HSD17B2: variants seen among roughly 807,000 people sequenced by gnomAD.
HSD17B2 encodes the protein 17-beta-hydroxysteroid dehydrogenase type 2.
Under a neutral mutation model 26.9 loss-of-function variants are expected in HSD17B2, and 32 were observed. The observed-to-expected ratio is 1.19, with a 90% CI of 0.90 to 1.60. The LOEUF (loss-of-function observed/expected upper bound fraction) is 1.60. Among genes scored for constraint, HSD17B2 ranks in the 40% most tolerant of loss-of-function variants. The pLI is 0.00. For missense variants in HSD17B2, 613 were observed against 468.6 expected (o/e 1.31, Z -2.85); for synonymous variants, 246 against 186.7 (o/e 1.32, Z -2.59).
chr16:82,038,748 G>T (rs1913687174), intron 1 of HSD17B2, among the ~76,000 whole-genome samples: 1 of 152,120 alleles, frequency 6.6e-6, no homozygotes, highest in African/African-American at 2.4e-5. Flanking sequence ...TTATTAGGAG[G>T]GTTTCCAGAG....
chr16:82,043,594 G>A (rs2143918312), intron 1 of HSD17B2, among the ~76,000 whole-genome samples: 1 of 128,514 alleles, frequency 7.8e-6, no homozygotes, highest in Admixed American at 8.2e-5. Flanking sequence ...TGAGGCAGGA[G>A]AATGGCGTGA....
intron 3 of HSD17B2, among the ~76,000 whole-genome samples, chr16:82,074,209 C>A (rs1914761339): frequency 6.6e-6 from 1 of 152,150 alleles, no homozygotes; most frequent in Admixed American, 6.5e-5. Context: ...AGTTTCAGAT[C>A]TTTGAGTCAT....
At chr16:82,074,026 A>C (rs1178696208) in intron 3 of HSD17B2, among the ~76,000 whole-genome samples, 1 of 152,214 alleles carries the variant, frequency 6.6e-6, no homozygotes, top group Non-Finnish European at 1.5e-5. Context: ...GGAACAGAAC[A>C]GAGAACCCAG....
chr16:82,045,610 C>T (rs1261165314), intron 1 of HSD17B2, among the ~76,000 whole-genome samples: 3 of 152,256 alleles, frequency 2.0e-5, no homozygotes, highest in Admixed American at 1.3e-4. Flanking sequence ...CTGGGCCATT[C>T]ATTAATGTGC....
chr16:82,036,977 G>A (rs1913642741), intron 1 of HSD17B2, among the ~76,000 whole-genome samples: 1 of 152,190 alleles, frequency 6.6e-6, no homozygotes, highest in Admixed American at 6.5e-5. Flanking sequence ...GAGAAAATGG[G>A]AATCCCTTCT....
intron 1 of HSD17B2, among the ~76,000 whole-genome samples, chr16:82,067,622 T>G (rs948944986): frequency 6.6e-6 from 1 of 152,172 alleles, no homozygotes; most frequent in African/African-American, 2.4e-5. Context: ...AGACCATGGA[T>G]AGGGAAAAAG....
intron 4 of HSD17B2, chr16:82,094,561 C>A (rs920890794): frequency 6.6e-6 from 1 of 152,068 alleles, no homozygotes; most frequent in Non-Finnish European, 1.5e-5. Flanking sequence ...TCAGGCTGCC[C>A]CCCAGTTTAA....
rs1290587122 is a variant in HSD17B2, at chr16:82,091,037, C to G, written c.800C>G (p.Thr267Arg). 6.2e-7 allele frequency: 1 copy of G among 1,613,880 alleles called. No homozygotes were observed. Residue 267 changes from threonine (T) to arginine (R), a missense_variant and splice_region_variant, in exon 4 of 5, where the codon ACA becomes AGA. By Grantham distance (71) the Thr-to-Arg change is moderately conservative. Coordinates refer to ENST00000199936, the MANE Select transcript of HSD17B2 (RefSeq NM_002153.3). ...VASIQPGGFL[T>R]NIAGTSDKWE... ...TCCATCCAACCTGGAGGCTTCCTAACAAGTAGGTTTCTGAGCCCAAGAACC... is the reference window on the plus strand; with the variant it reads ...TCCATCCAACCTGGAGGCTTCCTAAGAAGTAGGTTTCTGAGCCCAAGAACC...
At chr16:82,068,082 G>C (rs1199033851) in intron 1 of HSD17B2, 88 bp from the exon 2 acceptor site, 3 of 1,168,210 alleles carry the variant, frequency 2.6e-6, no homozygotes, top group Non-Finnish European at 3.8e-6. Context: ...ATGGAGAATC[G>C]TAAACAACGT....
intron 1 of HSD17B2, among the ~76,000 whole-genome samples, chr16:82,064,007 A>T (rs1914513265): frequency 2.0e-5 from 3 of 152,158 alleles, no homozygotes; most frequent in Admixed American, 2.0e-4. Context: ...TGGGGAAGGG[A>T]GTTCTTTGCA....
At chr16:82,035,783 T>C (rs1243332940) in intron 1 of HSD17B2, 94 bp downstream of exon 1, 1 of 1,322,870 alleles carries the variant, frequency 7.6e-7, no homozygotes, top group Non-Finnish European at 1.1e-6. Flanking sequence ...AAAAATAAAA[T>C]ACTTGGCATG....
intron 1 of HSD17B2, among the ~76,000 whole-genome samples, chr16:82,043,448 G>A (rs1422553338): frequency 8.0e-6 from 1 of 124,338 alleles, no homozygotes; most frequent in Non-Finnish European, 1.5e-5. Context: ...ACTTTGGGAG[G>A]CCGAGGCGGG....
At chr16:82,090,389 C>G (rs1300752939) in intron 3 of HSD17B2, among the ~76,000 whole-genome samples, 1 of 135,650 alleles carries the variant, frequency 7.4e-6, no homozygotes, top group African/African-American at 2.7e-5. Flanking sequence ...GTGATCCCAG[C>G]TCACTACAAC....
chr16:82,093,089 A>ATAT (rs372122042), intron 4 of HSD17B2: 1 of 152,334 alleles, frequency 6.6e-6, no homozygotes, highest in African/African-American at 2.4e-5. Context: ...ATCGAGAAAT[A>ATAT]TATAAACAGA....
At chr16:82,036,718 A>G (rs1173951568) in intron 1 of HSD17B2, among the ~76,000 whole-genome samples, 2 of 152,204 alleles carry the variant, frequency 1.3e-5, no homozygotes, top group Non-Finnish European at 2.9e-5. Flanking sequence ...GCCACAGAAA[A>G]GAAGCTTCTT....
intron 3 of HSD17B2, among the ~76,000 whole-genome samples, chr16:82,088,622 A>G (rs1173523692): frequency 6.6e-6 from 1 of 152,182 alleles, no homozygotes; most frequent in Non-Finnish European, 1.5e-5. Context: ...CACACAGCCC[A>G]TGCTGTGATT....
rs1432388154 is a variant in HSD17B2 at position 82,098,524 on chromosome 16, C to G, written c.*88C>G. 4.3e-6 allele frequency: 6 copies of G among 1,391,164 alleles called. No homozygotes were observed. Among genetic ancestry groups the G allele is most frequent in the Non-Finnish European group, 5.8e-6 (6 of 1,031,274 alleles). The allele number at this position is 1,391,164 out of a possible 1,614,324, so 86.2% of individuals were successfully genotyped here. On this transcript the variant is annotated 3_prime_UTR_variant, in exon 5 of 5. Transcript: ENST00000199936. ...ACTGGGTTTCTCATTAAAGTTGTTTCCCACTCTGTATTCTCTGTGAAATTC... is the reference window on the plus strand; with the variant it reads ...ACTGGGTTTCTCATTAAAGTTGTTTGCCACTCTGTATTCTCTGTGAAATTC...
At chr16:82,044,271 T>G (rs1913851071) in intron 1 of HSD17B2, 1 of 152,210 alleles carries the variant, frequency 6.6e-6, no homozygotes, top group African/African-American at 2.4e-5. Context: ...CTTTGTTTGG[T>G]GGGGTCAGTC....
chr16:82,056,570 G>A (rs1914276903), intron 1 of HSD17B2: 1 of 152,226 alleles, frequency 6.6e-6, no homozygotes, highest in South Asian at 2.1e-4. Flanking sequence ...GAGGGGTGGG[G>A]ACAACTGGAA....
Sources: allele counts gnomAD v4.1 joint callset (sites outside exome capture counted in the v4.1 genomes callset), GRCh38; gene constraint gnomAD v4.1.1; transcripts MANE v1.5; gene names NCBI Gene and HGNC (gene_info 2026-07-23, HGNC 2026-07-21).